Variants in IFT81 observed in about 807,000 individuals in gnomAD.
The protein encoded by IFT81 is intraflagellar transport 81.
Under a neutral mutation model 102.6 loss-of-function variants are expected in IFT81, and 72 were observed. The ratio of observed to expected loss-of-function variants is 0.70; its 90% CI spans 0.58 to 0.85. The LOEUF (loss-of-function observed/expected upper bound fraction) is 0.85. IFT81 is among the 40% of genes least tolerant of loss of function. The probability of loss-of-function intolerance (pLI) is 0.00; values close to 1 mark genes in which losing one functional copy is unlikely to be tolerated. For missense variants in IFT81, 723 were observed against 787.3 expected, an observed-to-expected ratio of 0.92 and a Z score of 0.98; for synonymous variants, 237 against 242.7, an observed-to-expected ratio of 0.98 and a Z score of 0.22.
chr12:110,194,209 G>T (rs1475517732), intron 14 of IFT81, among the ~76,000 whole-genome samples: 3 of 152,114 alleles, frequency 2.0e-5, no homozygotes, highest in Non-Finnish European at 4.4e-5. Flanking sequence ...GGAGGTAACA[G>T]TTTGACGTGA....
intron 10 of IFT81, among the ~76,000 whole-genome samples, chr12:110,154,093 C>T (rs1895699475): frequency 6.6e-6 from 1 of 151,994 alleles, no homozygotes. Context: ...AAGCAATTCT[C>T]TGCCTCAGCC....
intron 4 of IFT81, among the ~76,000 whole-genome samples, chr12:110,130,413 T>C (rs1252206999): frequency 2.0e-5 from 3 of 150,854 alleles, no homozygotes; most frequent in Non-Finnish European, 4.4e-5. Flanking sequence ...TTGCCCAGGC[T>C]GGATGGAGTG....
intron 10 of IFT81, among the ~76,000 whole-genome samples, chr12:110,158,680 C>T (rs543137621): frequency 1.3e-5 from 2 of 152,288 alleles, no homozygotes; most frequent in East Asian, 3.9e-4. Context: ...AGCTCCCCCT[C>T]CCAGGTTCAC....
chr12:110,131,530 T>A (rs1022938323), intron 4 of IFT81, among the ~76,000 whole-genome samples: 3 of 151,946 alleles, frequency 2.0e-5, no homozygotes, highest in Non-Finnish European at 2.9e-5. Context: ...GTATTTTTAG[T>A]AGAGACAGGG....
At chr12:110,145,514 C>G (rs1390884863) in intron 9 of IFT81, among the ~76,000 whole-genome samples, 2 of 151,122 alleles carry the variant, frequency 1.3e-5, no homozygotes, top group Non-Finnish European at 2.9e-5. Flanking sequence ...TCCCGGCTCA[C>G]TGCAACCTCT....
intron 11 of IFT81, among the ~76,000 whole-genome samples, chr12:110,173,162 G>A (rs1896849217): frequency 6.7e-6 from 1 of 148,326 alleles, no homozygotes. Context: ...CCAGGAGGGA[G>A]GTGGGGGGGT....
intron 18 of IFT81, among the ~76,000 whole-genome samples, chr12:110,212,594 T>C (rs1240361974): frequency 1.3e-5 from 2 of 151,212 alleles, no homozygotes; most frequent in Non-Finnish European, 2.9e-5. Flanking sequence ...CCCAGCACTT[T>C]GGGAGGCCAA....
chr12:110,156,816 A>G (rs144702121), intron 10 of IFT81, among the ~76,000 whole-genome samples: 161 of 152,232 alleles, frequency 1.1e-3, no homozygotes, highest in African/African-American at 3.8e-3. Context: ...CTTTTGAAGG[A>G]CAGTTTTGCC....
intron 18 of IFT81, chr12:110,216,580 C>CA (rs1421389259): frequency 2.2e-6 from 1 of 452,624 alleles, no homozygotes; most frequent in Non-Finnish European, 4.4e-6. Flanking sequence ...TGCAGTGGCA[C>CA]AATCTTGGCT....
Position 110,135,320 on chromosome 12 carries a change from A to G in IFT81, c.586-7A>G, listed in dbSNP as rs1894422283. ...AGTAACATGTACTACTTATTCCCTTACTGTAGGTTGAGACAGCTCAGAATC... is the reference window on the plus strand; with the variant it reads ...AGTAACATGTACTACTTATTCCCTTGCTGTAGGTTGAGACAGCTCAGAATC... On this transcript the variant is annotated splice_polypyrimidine_tract_variant and splice_region_variant and intron_variant, in intron 6 of 18. Coordinates refer to ENST00000242591, the MANE Select transcript of IFT81 (RefSeq NM_014055.4). 1.9e-6 allele frequency: 3 copies of G among 1,573,630 alleles called. No individual in the cohort carries two copies. Among genetic ancestry groups the G allele is most frequent in the Non-Finnish European group, 2.6e-6 (3 of 1,152,804 alleles).
rs181700244 is a variant in IFT81 at position 110,206,749 on chromosome 12, T to C, written c.1802+1069T>C. Among the ~76,000 whole-genome samples, 6 of 151,542 alleles carry C rather than the reference T, an allele frequency of 4.0e-5. No homozygotes were observed. In the East Asian group the frequency reaches 1.2e-3, roughly 29 times the overall value. Reference sequence around the variant, plus strand: ...TGAATTTTTTTTCAATGTAATGCACTAGAATGCAAGCCAGACTGAAAATAC... The same window carrying C: ...TGAATTTTTTTTCAATGTAATGCACCAGAATGCAAGCCAGACTGAAAATAC... On this transcript the variant is annotated intron_variant, in intron 17 of 18. Transcript: ENST00000242591.
At chr12:110,173,031 G>A (rs963675287) in intron 11 of IFT81, among the ~76,000 whole-genome samples, 1 of 148,630 alleles carries the variant, frequency 6.7e-6, no homozygotes, top group Non-Finnish European at 1.5e-5. Context: ...CCGTCCAGGA[G>A]GTGAGGGGCG....
chr12:110,180,044 C>T (rs1897253709), intron 11 of IFT81, among the ~76,000 whole-genome samples: 1 of 151,970 alleles, frequency 6.6e-6, no homozygotes, highest in African/African-American at 2.4e-5. Context: ...TTGCTTAGAG[C>T]AAGATACTTG....
intron 18 of IFT81, among the ~76,000 whole-genome samples, chr12:110,211,557 A>G (rs1398099213): frequency 6.6e-6 from 1 of 151,934 alleles, no homozygotes; most frequent in Non-Finnish European, 1.5e-5. Flanking sequence ...ACTATTTTTT[A>G]TCTACTGTAG....
At chr12:110,194,806 T>A (rs1041427972) in intron 14 of IFT81, among the ~76,000 whole-genome samples, 1 of 152,198 alleles carries the variant, frequency 6.6e-6, no homozygotes, top group Admixed American at 6.5e-5. Flanking sequence ...GAACAGATAA[T>A]TATTTAATAA....
intron 11 of IFT81, among the ~76,000 whole-genome samples, chr12:110,174,397 G>C (rs1896949456): frequency 1.3e-5 from 2 of 148,502 alleles, no homozygotes; most frequent in African/African-American, 5.0e-5. Context: ...GGAGGTTGCA[G>C]TGACCCGAGA....
chr12:110,172,946 G>C (rs1202128497), intron 11 of IFT81, among the ~76,000 whole-genome samples: 4 of 145,448 alleles, frequency 2.8e-5, no homozygotes, highest in African/African-American at 1.0e-4. Context: ...GGGAGGTGGG[G>C]GTCAGCCCCC....
At position 110,191,023 on chromosome 12, in the gene IFT81, G is replaced by A. The variant is rs764507924; in HGVS notation, c.1442G>A (p.Arg481Gln). ...AGTGAAGTTGATGAAATGAAAGGAC[G>A]AACATTGGATGATATGTCTGAAATG... ...LKSEVDEMKG[R>Q]TLDDMSEMVK... Residue 481 changes from arginine (R) to glutamine (Q), a missense_variant, in exon 13 of 19, where the codon CGA (arginine) becomes CAA (glutamine). Coordinates refer to ENST00000242591, the MANE Select transcript of IFT81 (RefSeq NM_014055.4). 5.0e-6 allele frequency: 8 copies of A among 1,608,372 alleles called. No individual in the cohort carries two copies. Among genetic ancestry groups the A allele is most frequent in the East Asian group, 2.2e-5 (1 of 44,570 alleles).
intron 1 of IFT81, among the ~76,000 whole-genome samples, chr12:110,126,339 G>C (rs1216281274): frequency 6.6e-6 from 1 of 151,740 alleles, no homozygotes; most frequent in East Asian, 1.9e-4. Flanking sequence ...CACAGATAAA[G>C]TGTGGTCAGC....
Sources: gnomAD v4.1 joint callset for allele counts (sites outside exome capture counted in the v4.1 genomes callset) on GRCh38, gnomAD v4.1.1 for gene constraint, MANE v1.5 for transcripts, NCBI Gene and HGNC (gene_info 2026-07-23, HGNC 2026-07-21) for gene names.